The following MIA2 variants were observed in gnomAD, a reference collection of about 807,000 sequenced individuals.
MIA2 encodes the protein melanoma inhibitory activity protein 2.
Under a neutral mutation model 167.8 loss-of-function variants are expected in MIA2, and 127 were observed. The ratio of observed to expected loss-of-function variants is 0.76; its 90% confidence interval spans 0.66 to 0.88. The LOEUF (loss-of-function observed/expected upper bound fraction) is 0.88, where lower values mean the gene tolerates loss of function less well. Ranked by LOEUF, MIA2 falls within the 40% of genes least tolerant of loss-of-function variation. The pLI is 0.00. For missense variants in MIA2, 1,690 were observed against 1,624.7 expected (o/e 1.04, Z -0.69); for synonymous variants, 552 against 541.9 (o/e 1.02, Z -0.26).
At chr14:39,379,379 C>T (rs1463928845) in intron 23 of MIA2, among the ~76,000 whole-genome samples, 1 of 152,144 alleles carries the variant, frequency 6.6e-6, no homozygotes, top group Non-Finnish European at 1.5e-5. Flanking sequence ...GGCCCTGTGC[C>T]TCATGAATGC....
intron 28 of MIA2, among the ~76,000 whole-genome samples, chr14:39,349,614 T>C (rs995807043): frequency 1.3e-5 from 2 of 152,226 alleles, no homozygotes; most frequent in African/African-American, 4.8e-5. Flanking sequence ...CTTGTTTCTC[T>C]TCTCTTTTTA....
Position 39,326,888 on chromosome 14 carries a change from T to C in MIA2, c.3521T>C (p.Leu1174Pro), listed in dbSNP as rs756802065. The C allele has an allele frequency of 8.8e-6, 14 of 1,593,422 alleles. No individual in the cohort carries two copies. The Admixed American group carries it at 2.3e-4, about 26-fold the overall frequency. The change falls in exon 25 of 29, where the codon CTG becomes CCG. Residue 1174 changes from leucine (L) to proline (P), a missense_variant. Physicochemically the swap from Leu to Pro is moderately conservative, Grantham distance 98. Transcript: ENST00000640607. The stretch of plus-strand genomic sequence containing the variant: ...GGCTCACGAGGCCCAGGGAATCCTC[T>C]GGACCATCAGATTACCAATGAAAGA... ...GRGSRGPGNP[L>P]DHQITNERGE...
At chr14:39,340,231 G>A (rs1199636677) in intron 25 of MIA2, among the ~76,000 whole-genome samples, 1 of 152,122 alleles carries the variant, frequency 6.6e-6, no homozygotes, top group Non-Finnish European at 1.5e-5. Context: ...TTTTGTTGGT[G>A]CTTATCTTTT....
chr14:39,247,978 G>A lies in MIA2; in HGVS notation c.1404G>A (p.Trp468Ter). Reference protein sequence around the residue: ...KKFLYNFDNPWNFQNIPKETE... With the variant: ...KKFLYNFDNP Reference sequence around the variant, plus strand: ...TCTTGTATAATTTTGACAACCCTTGGAACTTCCAGAACATTCCAAAGGAAA... The same window carrying A: ...TCTTGTATAATTTTGACAACCCTTGAAACTTCCAGAACATTCCAAAGGAAA... The change falls in exon 4 of 29, where the codon TGG becomes TGA. Residue 468 changes from tryptophan (W) to a stop codon, truncating the protein, a stop_gained. Transcript: ENST00000640607. LOFTEE classifies it high-confidence loss of function. The A allele has an allele frequency of 6.3e-7, 1 of 1,590,886 alleles. No individual in the cohort carries two copies. Among genetic ancestry groups the A allele is most frequent in the Non-Finnish European group, 8.5e-7 (1 of 1,174,458 alleles).
chr14:39,369,644 T>G (rs980061870), intron 23 of MIA2, among the ~76,000 whole-genome samples: 1 of 152,214 alleles, frequency 6.6e-6, no homozygotes, highest in Non-Finnish European at 1.5e-5. Flanking sequence ...CTTTATTCTT[T>G]TTACTGTTAT....
intron 19 of MIA2, 81 bp downstream of exon 19, chr14:39,313,522 A>G (rs1033103017): frequency 2.3e-5 from 17 of 751,836 alleles, no homozygotes; most frequent in Non-Finnish European, 3.7e-5. Flanking sequence ...ATAATAAATC[A>G]AATGAAAATA....
At chr14:39,252,726 A>G in intron 4 of MIA2, 22 bp from the exon 5 acceptor site, 2 of 1,571,140 alleles carry the variant, frequency 1.3e-6, no homozygotes, top group Non-Finnish European at 8.7e-7. Context: ...GGAAAAACAC[A>G]TTTCTTTTTA....
At chr14:39,386,494 CTT>C in intron 23 of MIA2, 3 of 1,447,118 alleles carry the variant, frequency 2.1e-6, no homozygotes, top group Non-Finnish European at 2.9e-6. Context: ...CTTCAGGAGA[CTT>C]GGGATTCTTG....
chr14:39,308,629 T>G, intron 18 of MIA2, 42 bp downstream of exon 18: 1 of 1,428,080 alleles, frequency 7.0e-7, no homozygotes, highest in Non-Finnish European at 9.5e-7. Context: ...GCAAGTAAAA[T>G]AGCTTTAGAG....
At chr14:39,309,599 A>C (rs1199845210) in intron 18 of MIA2, among the ~76,000 whole-genome samples, 2 of 152,142 alleles carry the variant, frequency 1.3e-5, no homozygotes, top group African/African-American at 4.8e-5. Context: ...TGGCTACTCT[A>C]ACTAAAATAA....
chr14:39,291,140 T>A, intron 10 of MIA2, 44 bp downstream of exon 10: 1 of 1,523,222 alleles, frequency 6.6e-7, no homozygotes, highest in Non-Finnish European at 8.9e-7. Context: ...GGGAAAAAAA[T>A]ACTAAGTAAC....
chr14:39,301,054 A>ACG (rs1288684678), intron 14 of MIA2, among the ~76,000 whole-genome samples: 11 of 147,544 alleles, frequency 7.5e-5, no homozygotes, highest in Admixed American at 6.1e-4. Flanking sequence ...ACACACACAC[A>ACG]CACACACACA....
At chr14:39,307,607 C>T (rs560981018) in intron 17 of MIA2, among the ~76,000 whole-genome samples, 13 of 151,862 alleles carry the variant, frequency 8.6e-5, no homozygotes, top group Non-Finnish European at 1.3e-4. Context: ...GCCATGTTGG[C>T]CAGGCTGGTC....
intron 25 of MIA2, among the ~76,000 whole-genome samples, chr14:39,345,001 T>C (rs2072912905): frequency 6.6e-6 from 1 of 152,208 alleles, no homozygotes; most frequent in South Asian, 2.1e-4. Flanking sequence ...CTCCAGATGT[T>C]CTTCGTTTCA....
intron 25 of MIA2, among the ~76,000 whole-genome samples, chr14:39,328,734 A>C (rs184010435): frequency 6.6e-6 from 1 of 152,130 alleles, no homozygotes; most frequent in Non-Finnish European, 1.5e-5. Flanking sequence ...TCCTTTCCCC[A>C]TTGGTTGTTT....
rs114602070 is a variant in MIA2 at position 39,374,956 on chromosome 14, T to A, written c.2249-11929T>A. 5.1e-3 allele frequency among the ~76,000 whole-genome samples: 779 copies of A among 152,368 alleles called. 1 individual carries two copies. The highest frequency in any genetic ancestry group is 0.013 in the African/African-American group (533 of 41,590). ...TTTTATAACTAAAACTGGCTCATGATGATGTGCTTTAAAACTTTCAGAGTG... is the reference window on the plus strand; with the variant it reads ...TTTTATAACTAAAACTGGCTCATGAAGATGTGCTTTAAAACTTTCAGAGTG... On this transcript the variant is annotated intron_variant, in intron 23 of 23. Transcript: ENST00000341502.
intron 6 of MIA2, chr14:39,267,385 G>GT: frequency 6.2e-7 from 1 of 1,604,174 alleles, no homozygotes; most frequent in Non-Finnish European, 8.5e-7. Flanking sequence ...ACCGAAGGCT[G>GT]TGTGTTCTCC....
At chr14:39,301,045 C>T (rs1032164634) in intron 14 of MIA2, among the ~76,000 whole-genome samples, 59 of 3,006 alleles carry the variant, frequency 0.02, no homozygotes, top group African/African-American at 0.028. Context: ...TACATACACA[C>T]ACACACACAC....
intron 24 of MIA2, among the ~76,000 whole-genome samples, chr14:39,325,893 T>C (rs1014429006): frequency 6.6e-6 from 1 of 151,974 alleles, no homozygotes; most frequent in Admixed American, 6.6e-5. Flanking sequence ...TTTGTACTTT[T>C]AGTAGAGACA....
Sources: gnomAD v4.1 joint callset for allele counts (sites outside exome capture counted in the v4.1 genomes callset) on GRCh38, gnomAD v4.1.1 for gene constraint, MANE v1.5 for transcripts, NCBI Gene and HGNC (gene_info 2026-07-23, HGNC 2026-07-21) for gene names.